Variants in FAP observed in about 807,000 individuals in gnomAD.
FAP encodes prolyl endopeptidase FAP.
In FAP, 110 loss-of-function variants were observed where a neutral mutation model predicts 126.5. The observed-to-expected ratio is 0.87, with a 90% CI of 0.74 to 1.02. The LOEUF is 1.02. FAP is among the 50% of genes least tolerant of loss of function. The probability of loss-of-function intolerance (pLI) is 0.00; values close to 1 mark genes in which losing one functional copy is unlikely to be tolerated. For synonymous variants in FAP, 334 were observed against 297.3 expected, an observed-to-expected ratio of 1.12 and a Z score of -1.27; for missense variants, 919 against 909.2, an observed-to-expected ratio of 1.01 and a Z score of -0.14.
chr2:162,239,559 A>G (rs1690267818), intron 2 of FAP, among the ~76,000 whole-genome samples: 1 of 151,958 alleles, frequency 6.6e-6, no homozygotes, highest in East Asian at 1.9e-4. Context: ...AAGGCTCTCT[A>G]CTCTCGGAAT....
At chr2:162,183,188 T>A (rs74339912) in intron 21 of FAP, among the ~76,000 whole-genome samples, 1 of 152,116 alleles carries the variant, frequency 6.6e-6, no homozygotes, top group African/African-American at 2.4e-5. Context: ...TAAAAATATG[T>A]CAATTATGAG....
Position 162,177,039 on chromosome 2 carries a change from TGAA to T in FAP, c.1870-2076_1870-2074del, listed in dbSNP as rs143480009. On this transcript the variant is annotated intron_variant, in intron 21 of 25. Coordinates refer to ENST00000188790, the MANE Select transcript of FAP (RefSeq NM_004460.5). ...GGAAAAGCTATTCCTATTGTAGAAA[TGAA>T]GAGGGGGAAAAAAGAAAACCCGAGT... Among the ~76,000 whole-genome samples, 778 of 152,148 alleles carry T rather than the reference TGAA, an allele frequency of 5.1e-3. 9 individuals are homozygous for T. The highest frequency in any genetic ancestry group is 0.042 in the East Asian group (215 of 5,160).
intron 16 of FAP, chr2:162,195,086 A>G: frequency 3.4e-6 from 1 of 298,230 alleles, no homozygotes; most frequent in South Asian, 4.7e-5. Context: ...GTATTGGGCC[A>G]GTTTTGGCTG....
At chr2:162,176,094 G>C (rs1287466861) in intron 21 of FAP, 1 of 152,074 alleles carries the variant, frequency 6.6e-6, no homozygotes, top group Non-Finnish European at 1.5e-5. Flanking sequence ...CTCAGATCAG[G>C]ATAGATCATA....
chr2:162,195,540 G>T (rs185967529), intron 16 of FAP, among the ~76,000 whole-genome samples: 13 of 151,922 alleles, frequency 8.6e-5, no homozygotes, highest in Admixed American at 2.6e-4. Context: ...TAGGGTTGGG[G>T]GGCGTGCTCA....
At chr2:162,242,252 T>A (rs1297627927) in intron 2 of FAP, among the ~76,000 whole-genome samples, 1 of 152,156 alleles carries the variant, frequency 6.6e-6, no homozygotes, top group African/African-American at 2.4e-5. Flanking sequence ...TTAAACTAGC[T>A]CTGATATCAG....
intron 2 of FAP, among the ~76,000 whole-genome samples, chr2:162,239,150 G>C (rs970854170): frequency 1.3e-5 from 2 of 151,934 alleles, no homozygotes; most frequent in Non-Finnish European, 2.9e-5. Flanking sequence ...CTGATATTCA[G>C]CCTCCTAAAT....
intron 4 of FAP, 28 bp from the exon 5 acceptor site, chr2:162,224,568 T>A: frequency 7.2e-7 from 1 of 1,387,592 alleles, no homozygotes; most frequent in Non-Finnish European, 1.0e-6. Flanking sequence ...TTGATTAGAA[T>A]ACAGAAAAGA....
chr2:162,209,846 T>C, intron 12 of FAP, 106 bp downstream of exon 12: 1 of 970,688 alleles, frequency 1.0e-6, no homozygotes. Context: ...CTACTTTTTC[T>C]ATGAAAATAA....
intron 25 of FAP, 114 bp downstream of exon 25, chr2:162,172,697 C>T (rs1687354186): frequency 2.9e-6 from 2 of 700,514 alleles, no homozygotes; most frequent in East Asian, 5.4e-5. Context: ...CTACTCTATC[C>T]TGCAGCCTCT....
intron 2 of FAP, among the ~76,000 whole-genome samples, chr2:162,240,263 A>G (rs1299708689): frequency 1.3e-5 from 2 of 152,232 alleles, no homozygotes; most frequent in African/African-American, 2.4e-5. Context: ...GTTTTTCCTT[A>G]TAGTTAATAT....
rs1321814366 is a variant in FAP, at chr2:162,203,057, T to C, written c.1136A>G (p.Tyr379Cys). 3 of 1,612,476 alleles carry C rather than the reference T, an allele frequency of 1.9e-6. No individual in the cohort carries two copies. The highest frequency in any genetic ancestry group is 1.3e-5 in the African/African-American group (1 of 75,024). The change falls in exon 13 of 26, where the codon TAT (tyrosine) becomes TGT (cysteine). Residue 379 changes from tyrosine to cysteine, a missense_variant. Transcript: ENST00000188790. Reference protein sequence around the residue: ...SDKDGYKHIHYIKDTVENAIQ... With the variant: ...SDKDGYKHIHCIKDTVENAIQ... ...GGAACGTACCACAGTGTCTTTGATA[T>C]AGTGAATATGTTTGTAGCCATCCTT...
chr2:162,187,116 T>G (rs1022666780), intron 20 of FAP, among the ~76,000 whole-genome samples: 14 of 152,116 alleles, frequency 9.2e-5, no homozygotes, highest in Admixed American at 8.5e-4. Context: ...GACACCTTTC[T>G]ATTTTTAAAA....
chr2:162,177,240 G>A (rs1559760307), intron 21 of FAP, among the ~76,000 whole-genome samples: 1 of 152,112 alleles, frequency 6.6e-6, no homozygotes, highest in Non-Finnish European at 1.5e-5. Flanking sequence ...AACATTCTTA[G>A]AAGGGCACAG....
intron 21 of FAP, among the ~76,000 whole-genome samples, chr2:162,179,805 TATATA>T (rs1183372114): frequency 1.6e-4 from 23 of 140,208 alleles, no homozygotes; most frequent in African/African-American, 4.3e-4. Context: ...TATATATATA[TATATA>T]TATTTTTTTT....
chr2:162,214,314 G>A (rs548959444), intron 10 of FAP, among the ~76,000 whole-genome samples: 3 of 151,964 alleles, frequency 2.0e-5, no homozygotes, highest in African/African-American at 7.2e-5. Flanking sequence ...TTTTCTCCCC[G>A]TTTCTGGATT....
At chr2:162,191,120 G>A (rs1688025248) in intron 17 of FAP, among the ~76,000 whole-genome samples, 1 of 152,218 alleles carries the variant, frequency 6.6e-6, no homozygotes. Context: ...CTCCTGTGTG[G>A]ATCAAGCACA....
intron 2 of FAP, among the ~76,000 whole-genome samples, chr2:162,235,131 C>T (rs1690064684): frequency 6.6e-6 from 1 of 151,872 alleles, no homozygotes; most frequent in African/African-American, 2.4e-5. Flanking sequence ...TCCCACTCCC[C>T]CCACTCCCCC....
At position 162,224,382 on chromosome 2, in the gene FAP, T is replaced by G. The variant is rs565039640; in HGVS notation, c.360+84A>C. On this transcript the variant is annotated intron_variant, in intron 5 of 25. Transcript: ENST00000188790. ...TGAATATTTAGAGATAAAGACAGAC[T>G]CTTGCTTTCTCTCACTTTTTTTAAA... is the stretch of plus-strand genomic sequence containing the variant. The G allele has an allele frequency of 3.4e-5, 26 of 769,728 alleles. No individual in the cohort carries two copies. The East Asian group carries it at 6.8e-4, about 20-fold the overall frequency. The allele number at this position is 769,728 out of a possible 1,614,324, so 47.7% of individuals were successfully genotyped here.
Sources: allele counts gnomAD v4.1 joint callset (sites outside exome capture counted in the v4.1 genomes callset), GRCh38; gene constraint gnomAD v4.1.1; transcripts MANE v1.5; gene names NCBI Gene and HGNC (gene_info 2026-07-23, HGNC 2026-07-21).